Variants in TMC1 observed in about 807,000 individuals in gnomAD.
The protein encoded by TMC1 is transmembrane channel-like protein 1.
Under a neutral mutation model 105.8 loss-of-function variants are expected in TMC1, and 84 were observed. The ratio of observed to expected loss-of-function variants is 0.79; its 90% CI spans 0.67 to 0.95. The LOEUF is 0.95. Among genes scored for constraint, TMC1 ranks in the 40% least tolerant of loss-of-function variants. TMC1 has a pLI of 0.00. For synonymous variants in TMC1, 315 were observed against 311.5 expected, an observed-to-expected ratio of 1.01 and a Z score of -0.12; for missense variants, 817 against 914.1, an observed-to-expected ratio of 0.89 and a Z score of 1.37.
rs551463912 is a variant in TMC1, at chr9:72,599,057, G to T, written c.-305-17311G>T. Among the ~76,000 whole-genome samples, 24 of 152,192 alleles carry T rather than the reference G, an allele frequency of 1.6e-4. 3 individuals carry two copies. In the South Asian group the frequency reaches 4.8e-3, roughly 30 times the overall value. ...TTTTTTTTTCTTTTTTTGAGGCACA[G>T]TTTCACTCTGTCGCCCAGGCTGGAG... On this transcript the variant is annotated intron_variant, in intron 2 of 23. Transcript: ENST00000297784.
At chr9:72,615,985 T>A (rs962041198) in intron 2 of TMC1, among the ~76,000 whole-genome samples, 1 of 152,068 alleles carries the variant, frequency 6.6e-6, no homozygotes, top group African/African-American at 2.4e-5. Flanking sequence ...TGACCTCAGG[T>A]GATTCCTCGG....
Position 72,617,908 on chromosome 9 carries a change from GGTGTGTGT to G in TMC1, c.-196+1466_-196+1473del, listed in dbSNP as rs58657161. On this transcript the variant is annotated intron_variant, in intron 3 of 23. Transcript: ENST00000297784. ...CCATTTACCCAAGAAGTCTATGTGT[GGTGTGTGT>G]GTGTGTGTGTGTGTGTGTGTGTGTG... Among the ~76,000 whole-genome samples, 1,176 of 144,390 alleles carry G rather than the reference GGTGTGTGT, an allele frequency of 8.1e-3. 10 individuals are homozygous for G. The highest frequency in any genetic ancestry group is 0.019 in the African/African-American group (738 of 39,048). 94.7% of individuals were successfully genotyped at this position (144,390 alleles called of 152,430 possible). A position where few individuals can be genotyped will look rare whatever the true frequency, so the allele number is the denominator to read the frequency against.
At chr9:72,798,427 A>G (rs998877551) in intron 17 of TMC1, among the ~76,000 whole-genome samples, 4 of 152,146 alleles carry the variant, frequency 2.6e-5, no homozygotes, top group Non-Finnish European at 4.4e-5. Context: ...TTGCAGCACT[A>G]TTCACAATAG....
intron 13 of TMC1, among the ~76,000 whole-genome samples, chr9:72,779,981 T>C (rs1828066823): frequency 6.6e-6 from 1 of 151,902 alleles, no homozygotes; most frequent in African/African-American, 2.4e-5. Flanking sequence ...TTAAGGTCAA[T>C]GCAAAAGAAA....
intron 2 of TMC1, among the ~76,000 whole-genome samples, chr9:72,615,990 C>G (rs1825120559): frequency 6.6e-6 from 1 of 152,080 alleles, no homozygotes; most frequent in Non-Finnish European, 1.5e-5. Flanking sequence ...TCAGGTGATT[C>G]CTCGGCCCTA....
chr9:72,651,210 A>T (rs1026719401), intron 5 of TMC1: 20 of 151,756 alleles, frequency 1.3e-4, no homozygotes, highest in Admixed American at 4.0e-4. Flanking sequence ...CAGCTTGTTG[A>T]AATACTCTGC....
chr9:72,568,066 C>G (rs1448132004), intron 1 of TMC1, among the ~76,000 whole-genome samples: 9 of 140,044 alleles, frequency 6.4e-5, no homozygotes, highest in Non-Finnish European at 1.2e-4. Context: ...GCGCTGCCCT[C>G]AATGATTTTT....
chr9:72,722,376 C>T (rs1449923590), intron 8 of TMC1, among the ~76,000 whole-genome samples: 1 of 152,140 alleles, frequency 6.6e-6, no homozygotes, highest in Non-Finnish European at 1.5e-5. Context: ...TCACTTTATT[C>T]TGGTATCCGC....
At chr9:72,633,897 C>T (rs1389743268) in intron 4 of TMC1, among the ~76,000 whole-genome samples, 1 of 152,176 alleles carries the variant, frequency 6.6e-6, no homozygotes, top group Non-Finnish European at 1.5e-5. Context: ...TCTCATAAGA[C>T]TGTCTATAAT....
intron 1 of TMC1, among the ~76,000 whole-genome samples, chr9:72,527,176 C>A (rs938671810): frequency 6.6e-6 from 1 of 152,116 alleles, no homozygotes; most frequent in Non-Finnish European, 1.5e-5. Context: ...GTTGCTCAGG[C>A]CTGTGGGTAA....
intron 9 of TMC1, among the ~76,000 whole-genome samples, 176 bp downstream of exon 9, chr9:72,740,385 T>G (rs1021403559): frequency 2.0e-5 from 3 of 152,168 alleles, no homozygotes; most frequent in African/African-American, 7.2e-5. Flanking sequence ...TTTAAAAAAT[T>G]GTTCTTAGAA....
intron 1 of TMC1, among the ~76,000 whole-genome samples, chr9:72,544,787 C>CTTTTT (rs57958313): frequency 0.018 from 2,627 of 143,006 alleles, 85 homozygotes; most frequent in African/African-American, 0.065. Flanking sequence ...GCCTTTTTAC[C>CTTTTT]TTTTTTTTTT....
chr9:72,694,625 C>A lies in TMC1; in HGVS notation c.147C>A (p.Ile49=). The A allele has an allele frequency of 6.2e-7, 1 of 1,612,850 alleles. No homozygotes were observed. The highest frequency in any genetic ancestry group is 2.2e-5 in the East Asian group (1 of 44,690). ...AGAGGAAACGGACCAGAGATGTTAT[C>A]AATGAGGATGACCCAGAACCTGAAC... The part of the protein sequence containing the change: ...RPKRKRTRDV[I]NEDDPEPEPE... The change falls in exon 7 of 24, where the codon ATC becomes ATA. Residue 49 remains isoleucine (I), a synonymous_variant. Transcript: ENST00000297784.
chr9:72,776,870 A>T (rs1045924034), intron 13 of TMC1, among the ~76,000 whole-genome samples: 2 of 151,872 alleles, frequency 1.3e-5, no homozygotes, highest in Non-Finnish European at 2.9e-5. Context: ...ACAATCATCA[A>T]TATAGACTGA....
chr9:72,836,008 G>T lies in TMC1; in HGVS notation c.*35G>T. Reference sequence around the variant, plus strand: ...TGAGAGCCCAGAAAAGGTACACTTTGCCTTGCTGTTTAAAAGTAATGCAAT... The same window carrying T: ...TGAGAGCCCAGAAAAGGTACACTTTTCCTTGCTGTTTAAAAGTAATGCAAT... On this transcript the variant is annotated 3_prime_UTR_variant, in exon 24 of 24. Coordinates refer to ENST00000297784, the MANE Select transcript of TMC1 (RefSeq NM_138691.3). 1 of 1,444,224 alleles carries T rather than the reference G, an allele frequency of 6.9e-7. No individual in the cohort carries two copies. 89.5% of individuals were successfully genotyped at this position (1,444,224 alleles called of 1,614,324 possible).
chr9:72,829,902 G>C (rs901602461), intron 21 of TMC1, among the ~76,000 whole-genome samples: 1 of 151,946 alleles, frequency 6.6e-6, no homozygotes, highest in Admixed American at 6.6e-5. Context: ...TTTATACAAC[G>C]TTTTCTTTTT....
chr9:72,752,025 C>T, intron 11 of TMC1, 69 bp downstream of exon 11: 1 of 1,009,032 alleles, frequency 9.9e-7, no homozygotes, highest in African/African-American at 1.6e-5. Context: ...TTTATCTCTT[C>T]TTTAAAGTAG....
At chr9:72,653,896 CTT>C (rs1440641612) in intron 5 of TMC1, among the ~76,000 whole-genome samples, 1 of 152,168 alleles carries the variant, frequency 6.6e-6, no homozygotes, top group Non-Finnish European at 1.5e-5. Context: ...AGTAAGTACT[CTT>C]TTGTGCCTGA....
chr9:72,695,989 G>A (rs1282240159), intron 7 of TMC1, among the ~76,000 whole-genome samples: 5 of 152,076 alleles, frequency 3.3e-5, no homozygotes, highest in Non-Finnish European at 5.9e-5. Context: ...CCATTATTAT[G>A]TAGTAATAGT....
Sources: gnomAD v4.1 joint callset for allele counts (sites outside exome capture counted in the v4.1 genomes callset) on GRCh38, gnomAD v4.1.1 for gene constraint, MANE v1.5 for transcripts, NCBI Gene and HGNC (gene_info 2026-07-23, HGNC 2026-07-21) for gene names.